The following NXF1 variants were observed in gnomAD, a reference collection of about 807,000 sequenced individuals.
NXF1 encodes the protein mRNA export factor TAP.
NXF1 carries 43 observed loss-of-function variants against 92.4 expected under a neutral mutation model. The observed-to-expected ratio is 0.47, with a 90% CI of 0.36 to 0.60. The LOEUF (loss-of-function observed/expected upper bound fraction) is 0.60, where lower values mean the gene tolerates loss of function less well. NXF1 is among the 20% of genes least tolerant of loss of function. NXF1 has a pLI of 0.00. For missense variants in NXF1, 576 were observed against 793.0 expected, an observed-to-expected ratio of 0.73 and a Z score of 3.29; for synonymous variants, 288 against 292.2, an observed-to-expected ratio of 0.99 and a Z score of 0.15.
chr11:62,802,219 G>A lies in NXF1; in HGVS notation c.411C>T (p.Ser137=), dbSNP rs2084487379. 6.2e-7 allele frequency: 1 copy of A among 1,614,080 alleles called. No homozygotes were observed. Among genetic ancestry groups the A allele is most frequent in the Non-Finnish European group, 8.5e-7 (1 of 1,180,022 alleles). The change falls in exon 4 of 21, where the codon AGC becomes AGT. Residue 137 remains serine, a synonymous_variant. Coordinates refer to ENST00000294172, the MANE Select transcript of NXF1 (RefSeq NM_006362.5). ...GCACACTGCACTTGCTCTGAATCAT[G>A]CTCAGGAGCCATGCCTTGTCATACT... ...GRKYDKAWLL[S]MIQSKCSVPF... is the part of the protein sequence containing the mutation.
At chr11:62,794,001 CA>C (rs879433296) in intron 19 of NXF1, among the ~76,000 whole-genome samples, 225 of 133,828 alleles carry the variant, frequency 1.7e-3, no homozygotes, top group East Asian at 4.2e-3. Context: ...ACTCCACCTC[CA>C]AAAAAAAAAA....
At chr11:62,802,344 C>T (rs1182284291) in intron 3 of NXF1, 84 bp from the exon 4 acceptor site, 9 of 1,148,164 alleles carry the variant, frequency 7.8e-6, no homozygotes, top group South Asian at 5.3e-5. Context: ...ATACCTTCTA[C>T]CAAACTTTTA....
chr11:62,800,602 TTTC>T (rs1297799784), intron 9 of NXF1, 116 bp from the exon 10 acceptor site: 27 of 668,910 alleles, frequency 4.0e-5, no homozygotes, highest in South Asian at 8.8e-5. Context: ...TTTAAAATTT[TTTC>T]TTTTTTTTTT....
rs1413056050 is a variant in NXF1, at chr11:62,805,436, G to T, written c.-80C>A. 2 of 1,591,102 alleles carry T rather than the reference G, an allele frequency of 1.3e-6. No individual in the cohort carries two copies. Among genetic ancestry groups the T allele is most frequent in the East Asian group, 4.6e-5 (2 of 43,644 alleles). On this transcript the variant is annotated 5_prime_UTR_variant, in exon 1 of 21. Transcript: ENST00000294172. ...ACCTAACTCCCAAGCGCTCAGGACC[G>T]AAGTGTCCCTACGCCGGGCGCCACC...
At chr11:62,797,161 G>A (rs748935529) in intron 13 of NXF1, 22 bp downstream of exon 13, 3 of 1,611,106 alleles carry the variant, frequency 1.9e-6, no homozygotes, top group Non-Finnish European at 2.5e-6. Flanking sequence ...GGGGTGGGGA[G>A]GGGGGACCCT....
At chr11:62,795,974 A>C in intron 16 of NXF1, 31 bp from the exon 17 acceptor site, 1 of 1,613,690 alleles carries the variant, frequency 6.2e-7, no homozygotes, top group South Asian at 1.1e-5. Flanking sequence ...GGTACAATGT[A>C]CACTTCTCAG....
rs2084419839 is a variant in NXF1, at chr11:62,796,303, C to T, written c.1329G>A (p.Lys443=). The change falls in exon 15 of 21, where the codon AAG becomes AAA. Residue 443 remains lysine (K), a synonymous_variant. Transcript: ENST00000294172. ...CACACTTACTAGGGTCTTTAAGCTT[C>T]TTCACATTTCTGCTATCCTTGAAAT... ...AEYFKDSRNV[K]KLKDPTLRFR... is the part of the protein sequence containing the mutation. 3 of 1,614,042 alleles carry T rather than the reference C, an allele frequency of 1.9e-6. No individual in the cohort carries two copies. The highest frequency in any genetic ancestry group is 2.7e-5 in the African/African-American group (2 of 74,926).
chr11:62,805,290 C>T (rs375722810), intron 1 of NXF1, 39 bp downstream of exon 1: 2 of 1,583,376 alleles, frequency 1.3e-6, no homozygotes, highest in Admixed American at 1.8e-5. Flanking sequence ...CCACCCGCGC[C>T]CCAGATAGCC....
intron 19 of NXF1, among the ~76,000 whole-genome samples, chr11:62,793,251 G>A (rs2134754926): frequency 6.6e-6 from 1 of 152,216 alleles, no homozygotes; most frequent in Non-Finnish European, 1.5e-5. Flanking sequence ...GCTAATTTTT[G>A]TATTTTTAGT....
intron 18 of NXF1, 72 bp downstream of exon 18, chr11:62,794,863 T>A: frequency 7.1e-7 from 1 of 1,409,042 alleles, no homozygotes; most frequent in Non-Finnish European, 1.0e-6. Flanking sequence ...AAAGACTGAC[T>A]CTACCCTCCA....
At chr11:62,803,619 T>C in intron 2 of NXF1, 47 bp from the exon 3 acceptor site, 3 of 1,610,278 alleles carry the variant, frequency 1.9e-6, no homozygotes, top group Non-Finnish European at 2.5e-6. Context: ...TAGGAAAGTC[T>C]TCTCAAAGGC....
At chr11:62,804,765 ACT>A (rs2084515917) in intron 1 of NXF1, among the ~76,000 whole-genome samples, 1 of 151,840 alleles carries the variant, frequency 6.6e-6, no homozygotes, top group Non-Finnish European at 1.5e-5. Context: ...CCCCACACAC[ACT>A]CTTAAGAAAT....
Position 62,805,440 on chromosome 11 carries a change from T to A in NXF1, c.-84A>T. The A allele has an allele frequency of 1.3e-6, 2 of 1,583,668 alleles. No individual in the cohort carries two copies. ...AACTCCCAAGCGCTCAGGACCGAAGTGTCCCTACGCCGGGCGCCACCGCAT... is the reference window on the plus strand; with the variant it reads ...AACTCCCAAGCGCTCAGGACCGAAGAGTCCCTACGCCGGGCGCCACCGCAT... On this transcript the variant is annotated 5_prime_UTR_variant, in exon 1 of 21. Coordinates refer to ENST00000294172, the MANE Select transcript of NXF1 (RefSeq NM_006362.5).
chr11:62,804,367 A>G (rs2084512063), intron 1 of NXF1, among the ~76,000 whole-genome samples: 1 of 152,226 alleles, frequency 6.6e-6, no homozygotes, highest in Non-Finnish European at 1.5e-5. Flanking sequence ...AGGATCCTCT[A>G]AAAATTCTCC....
At chr11:62,799,654 G>A (rs1377151347) in intron 10 of NXF1, 1 of 985,844 alleles carries the variant, frequency 1.0e-6, no homozygotes, top group Non-Finnish European at 1.2e-6. Flanking sequence ...GAGGGGGTCA[G>A]TTCTCTGTCT....
At chr11:62,799,183 GAGAA>G (rs1481927951) in intron 10 of NXF1, 18 of 984,364 alleles carry the variant, frequency 1.8e-5, no homozygotes, top group Admixed American at 6.4e-5. Flanking sequence ...CAAAGAAAAA[GAGAA>G]AGAACTACAA....
Position 62,805,419 on chromosome 11 carries a change from C to G in NXF1, c.-63G>C, listed in dbSNP as rs1054489539. 19 of 1,604,678 alleles carry G rather than the reference C, an allele frequency of 1.2e-5. No homozygotes were observed. In the South Asian group the frequency reaches 1.6e-4, roughly 13 times the overall value. On this transcript the variant is annotated 5_prime_UTR_variant, in exon 1 of 21. Coordinates refer to ENST00000294172, the MANE Select transcript of NXF1 (RefSeq NM_006362.5). ...CGCTACGCCGGCAAACAACCTAACT[C>G]CCAAGCGCTCAGGACCGAAGTGTCC...
intron 10 of NXF1, 119 bp from the exon 11 acceptor site, chr11:62,798,694 C>T: frequency 6.5e-7 from 1 of 1,538,276 alleles, no homozygotes. Context: ...CATCCCTCCA[C>T]TCCCTCCCAG....
At chr11:62,796,435 G>A (rs2084421024) in intron 14 of NXF1, 25 bp downstream of exon 14, 10 of 1,612,680 alleles carry the variant, frequency 6.2e-6, no homozygotes, top group Non-Finnish European at 8.5e-6. Flanking sequence ...GTGGTCCCGG[G>A]CAGATTCTGG....
Sources: allele counts gnomAD v4.1 joint callset (sites outside exome capture counted in the v4.1 genomes callset), GRCh38; gene constraint gnomAD v4.1.1; transcripts MANE v1.5; gene names NCBI Gene and HGNC (gene_info 2026-07-23, HGNC 2026-07-21).